FZD4: variants seen among roughly 807,000 people sequenced by gnomAD.
FZD4 encodes the protein frizzled-4.
Under a neutral mutation model 37.3 loss-of-function variants are expected in FZD4, and 16 were observed. The ratio of observed to expected loss-of-function variants is 0.43; its 90% CI spans 0.29 to 0.65. The LOEUF is 0.65. FZD4 is among the 30% of genes least tolerant of loss of function. FZD4 has a pLI of 0.16. For synonymous variants in FZD4, 246 were observed against 254.8 expected, an observed-to-expected ratio of 0.97 and a Z score of 0.33; for missense variants, 599 against 674.3, an observed-to-expected ratio of 0.89 and a Z score of 1.24.
At chr11:86,954,516 T>C (rs752304272) in intron 1 of FZD4, 10 of 985,298 alleles carry the variant, frequency 1.0e-5, no homozygotes, top group Non-Finnish European at 1.2e-5. Flanking sequence ...TTGGCAGAGA[T>C]AACCCTCAGC....
chr11:86,953,803 G>A (rs566538340), intron 1 of FZD4, among the ~76,000 whole-genome samples: 1 of 152,216 alleles, frequency 6.6e-6, no homozygotes, highest in South Asian at 2.1e-4. Context: ...TTTTAGTAGA[G>A]ACAGGATTTC....
intron 1 of FZD4, chr11:86,954,186 A>T (rs1398303819): frequency 4.1e-6 from 4 of 967,226 alleles, no homozygotes; most frequent in Non-Finnish European, 4.9e-6. Context: ...ACTGCAAAAA[A>T]ATTTCTTCCA....
At chr11:86,952,616 C>T (rs1427259715) in intron 1 of FZD4, 146 bp from the exon 2 acceptor site, 1 of 815,218 alleles carries the variant, frequency 1.2e-6, no homozygotes, top group Non-Finnish European at 2.0e-6. Flanking sequence ...TCTGTTTACT[C>T]TGACCTCAAA....
Position 86,947,319 on chromosome 11 carries a change from T to C in FZD4, c.*3823A>G, listed in dbSNP as rs950145284. ...TGTGGTCACCTCACCAGAAATCAAA[T>C]ACTGCACCGACCTGGTGAAATCCCT... On this transcript the variant is annotated 3_prime_UTR_variant, in exon 2 of 2. Coordinates refer to ENST00000531380, the MANE Select transcript of FZD4 (RefSeq NM_012193.4). The C allele has an allele frequency of 1.3e-5, 2 of 155,214 alleles. No individual in the cohort carries two copies. The highest frequency in any genetic ancestry group is 4.8e-5 in the African/African-American group (2 of 41,488). The allele number at this position is 155,214 out of a possible 1,614,324, so 9.6% of individuals were successfully genotyped here.
Position 86,954,983 on chromosome 11 carries a change from G to A in FZD4, c.103C>T (p.Arg35Trp). The change falls in exon 1 of 2, where the codon CGG (arginine) becomes TGG (tryptophan). Residue 35 changes from arginine to tryptophan, a missense_variant. Around this residue, in one of 3 missense-constraint regions of FZD4, gnomAD observed 357 missense variants for 396.1 expected, o/e 0.90. Transcript: ENST00000531380. ...CGCTCTTCCTCGTCCCCGAAGCCCCGCGCCGGCCCCAGGAGCAGCAGCAAC... is the reference window on the plus strand; with the variant it reads ...CGCTCTTCCTCGTCCCCGAAGCCCCACGCCGGCCCCAGGAGCAGCAGCAAC... ...LQLLLLLGPA[R>W]GFGDEEERRC... 1.9e-6 allele frequency: 3 copies of A among 1,612,922 alleles called. No homozygotes were observed. The highest frequency in any genetic ancestry group is 1.1e-5 in the South Asian group (1 of 91,070).
rs781161667 is a variant in FZD4, at chr11:86,954,871, T to C, written c.215A>G (p.Gln72Arg). The C allele has an allele frequency of 5.0e-6, 8 of 1,613,338 alleles. No individual in the cohort carries two copies. Among genetic ancestry groups the C allele is most frequent in the Non-Finnish European group, 6.8e-6 (8 of 1,179,870 alleles). ...TGTCAGCTGCAGCTCGGCGTCCGTC[T>C]GCAGCTCGTGCCCAACCAGGTTGGG... ...KMPNLVGHELQTDAELQLTTF... is the reference protein window; with the variant it reads ...KMPNLVGHELRTDAELQLTTF... Residue 72 changes from glutamine to arginine, a missense_variant, in exon 1 of 2, where the codon CAG becomes CGG. Coordinates refer to ENST00000531380, the MANE Select transcript of FZD4 (RefSeq NM_012193.4).
chr11:86,955,043 C>A lies in FZD4; in HGVS notation c.43G>T (p.Gly15Trp), dbSNP rs750507065. ...AACCCCAGACTGAGACCGACGCCCC[C>A]GGGCGCCCCCGGGACGCTCGGCCCT... ...GAGPSVPGAP[G>W]GVGLSLGLLL... Residue 15 changes from glycine (G) to tryptophan (W), a missense_variant, in exon 1 of 2, where the codon GGG becomes TGG. Physicochemically the swap from Gly to Trp is radical, Grantham distance 184 (BLOSUM62 -2). Transcript: ENST00000531380. The A allele has an allele frequency of 1.2e-6, 2 of 1,604,336 alleles. No individual in the cohort carries two copies. Among genetic ancestry groups the A allele is most frequent in the Non-Finnish European group, 1.7e-6 (2 of 1,176,386 alleles).
rs1372354795 is a variant in FZD4, at chr11:86,948,201, G to C, written c.*2941C>G. 3 of 151,872 alleles carry C rather than the reference G, an allele frequency of 2.0e-5. No individual in the cohort carries two copies. Among genetic ancestry groups the C allele is most frequent in the Non-Finnish European group, 4.4e-5 (3 of 68,046 alleles). The allele number at this position is 151,872 out of a possible 1,614,324, so 9.4% of individuals were successfully genotyped here. A position where few individuals can be genotyped will look rare whatever the true frequency, so the allele number is the denominator to read the frequency against. On this transcript the variant is annotated 3_prime_UTR_variant, in exon 2 of 2. Transcript: ENST00000531380. ...AGAGAGACCCAGGCTGGGTGTGGTGGCTCACACAGGAAGAGATTTATGGAA... is the reference window on the plus strand; with the variant it reads ...AGAGAGACCCAGGCTGGGTGTGGTGCCTCACACAGGAAGAGATTTATGGAA...
In FZD4 at chr11:86,952,428, T is replaced by A; in HGVS notation, c.328A>T (p.Ile110Phe). Residue 110 changes from isoleucine (I) to phenylalanine (F), a missense_variant, in exon 2 of 2, where the codon ATC becomes TTC. Physicochemically the swap from Ile to Phe is conservative, Grantham distance 21 (BLOSUM62 0). This residue lies in a region of FZD4 where 357 missense variants were observed against 396.1 expected (regional missense o/e 0.90). Coordinates refer to ENST00000531380, the MANE Select transcript of FZD4 (RefSeq NM_012193.4). ...CCGCATGGGCCAATGGGGATGTTGA[T>A]CTTCTCTGTGCACATTGGCACATAA... ...SVYVPMCTEK[I>F]NIPIGPCGGM... is the part of the protein sequence containing the mutation. 1 of 1,613,980 alleles carries A rather than the reference T, an allele frequency of 6.2e-7. No individual in the cohort carries two copies. Among genetic ancestry groups the A allele is most frequent in the Non-Finnish European group, 8.5e-7 (1 of 1,179,878 alleles).
rs1949259025 is a variant in FZD4 at position 86,948,101 on chromosome 11, G to A, written c.*3041C>T. On this transcript the variant is annotated 3_prime_UTR_variant, in exon 2 of 2. Transcript: ENST00000531380. The stretch of plus-strand genomic sequence containing the variant: ...CCAGAGACTGTCACGAAGCAGAGCT[G>A]ATGCTTTCTGTTAAAACCACCTGTA... 1 of 152,138 alleles carries A rather than the reference G, an allele frequency of 6.6e-6. No individual in the cohort carries two copies. Among genetic ancestry groups the A allele is most frequent in the Non-Finnish European group, 1.5e-5 (1 of 68,062 alleles). 9.4% of individuals were successfully genotyped at this position (152,138 alleles called of 1,614,324 possible). A position where few individuals can be genotyped will look rare whatever the true frequency, so the allele number is the denominator to read the frequency against.
chr11:86,951,534 C>A lies in FZD4; in HGVS notation c.1222G>T (p.Ala408Ser). ...YLVIGTLFIAAGLVALFKIRS... is the reference protein window; with the variant it reads ...YLVIGTLFIASGLVALFKIRS... Reference sequence around the variant, plus strand: ...ATTTTGAACAAGGCCACCAAACCTGCAGCAATGAACAAAGTTCCAATGACC... The same window carrying A: ...ATTTTGAACAAGGCCACCAAACCTGAAGCAATGAACAAAGTTCCAATGACC... The change falls in exon 2 of 2, where the codon GCA becomes TCA. Residue 408 changes from alanine (A) to serine (S), a missense_variant. By Grantham distance (99) the Ala-to-Ser change is moderately conservative (BLOSUM62 1). Coordinates refer to ENST00000531380, the MANE Select transcript of FZD4 (RefSeq NM_012193.4). 6.2e-7 allele frequency: 1 copy of A among 1,614,146 alleles called. No homozygotes were observed.
At chr11:86,952,758 C>G (rs1211827631) in intron 1 of FZD4, 1 of 252,514 alleles carries the variant, frequency 4.0e-6, no homozygotes, top group Admixed American at 4.9e-5. Context: ...CCTCTTTGCA[C>G]AACACTTGAA....
rs1174061610 is a variant in FZD4 at position 86,946,762 on chromosome 11, C to T, written c.*4380G>A. ...CCCAGGTCATTTGCCAGACATAATA[C>T]AAACCCAGAAGGGAACTCTAAACTC... On this transcript the variant is annotated 3_prime_UTR_variant, in exon 2 of 2. Coordinates refer to ENST00000531380, the MANE Select transcript of FZD4 (RefSeq NM_012193.4). 6.6e-6 allele frequency: 1 copy of T among 152,532 alleles called. No homozygotes were observed. The highest frequency in any genetic ancestry group is 2.1e-4 in the South Asian group (1 of 4,828). 9.4% of individuals were successfully genotyped at this position (152,532 alleles called of 1,614,324 possible). A position where few individuals can be genotyped will look rare whatever the true frequency, so the allele number is the denominator to read the frequency against.
intron 1 of FZD4, chr11:86,953,000 AT>A (rs1235056070): frequency 1.3e-5 from 2 of 154,274 alleles, no homozygotes; most frequent in African/African-American, 2.4e-5. Context: ...AATGGCCCAA[AT>A]GAGACACTGT....
chr11:86,949,903 G>A lies in FZD4; in HGVS notation c.*1239C>T, dbSNP rs1481482850. 1.3e-5 allele frequency: 2 copies of A among 152,536 alleles called. No individual in the cohort carries two copies. The highest frequency in any genetic ancestry group is 2.9e-5 in the Non-Finnish European group (2 of 68,024). 9.4% of individuals were successfully genotyped at this position (152,536 alleles called of 1,614,324 possible). On this transcript the variant is annotated 3_prime_UTR_variant, in exon 2 of 2. Transcript: ENST00000531380. ...GGAAACAATTACGCACCAAGTAGTT[G>A]GATTAGCTGTCCTCAGTTCCCTTTA...
In FZD4 at chr11:86,946,718, C is replaced by T. The variant is rs1949245748; in HGVS notation, c.*4424G>A. 1 of 152,538 alleles carries T rather than the reference C, an allele frequency of 6.6e-6. No individual in the cohort carries two copies. Among genetic ancestry groups the T allele is most frequent in the South Asian group, 2.1e-4 (1 of 4,802 alleles). 9.4% of individuals were successfully genotyped at this position (152,538 alleles called of 1,614,324 possible). A position where few individuals can be genotyped will look rare whatever the true frequency, so the allele number is the denominator to read the frequency against. On this transcript the variant is annotated 3_prime_UTR_variant, in exon 2 of 2. Transcript: ENST00000531380. Reference sequence around the variant, plus strand: ...GAGTTTCCAAGATCTATGATCTAACCCTGGAGGAAAAGTGATAACCCAGGT... The same window carrying T: ...GAGTTTCCAAGATCTATGATCTAACTCTGGAGGAAAAGTGATAACCCAGGT...
chr11:86,951,108 T>C lies in FZD4; in HGVS notation c.*34A>G. ...CCTCCAAAATGCTGGCATTCCCCCC[T>C]TCAAAATGAAGAAAGCATGGAGGCT... On this transcript the variant is annotated 3_prime_UTR_variant, in exon 2 of 2. Transcript: ENST00000531380. The C allele has an allele frequency of 1.2e-6, 2 of 1,610,496 alleles. No homozygotes were observed. The highest frequency in any genetic ancestry group is 1.3e-5 in the African/African-American group (1 of 74,988).
chr11:86,953,460 G>T (rs1212255731), intron 1 of FZD4, among the ~76,000 whole-genome samples: 1 of 152,068 alleles, frequency 6.6e-6, no homozygotes, highest in Non-Finnish European at 1.5e-5. Context: ...AACTTCCAAA[G>T]GGATATTTTA....
In FZD4 at chr11:86,951,177, C is replaced by A. The variant is rs146277634; in HGVS notation, c.1579G>T (p.Val527Leu). ...VKREKRGNGW[V>L]KPGKGSETVV The stretch of plus-strand genomic sequence containing the variant: ...GTCTCACTGCCTTTTCCAGGCTTCA[C>A]CCAACCATTTCCTCTCTTCTCTCTC... The change falls in exon 2 of 2, where the codon GTG becomes TTG. Residue 527 changes from valine to leucine, a missense_variant. Physicochemically the swap from Val to Leu is conservative, Grantham distance 32. Coordinates refer to ENST00000531380, the MANE Select transcript of FZD4 (RefSeq NM_012193.4). 6.8e-6 allele frequency: 11 copies of A among 1,613,950 alleles called. No homozygotes were observed. In the African/African-American group the frequency reaches 1.3e-4, roughly 20 times the overall value.
Sources: gnomAD v4.1 joint callset for allele counts (sites outside exome capture counted in the v4.1 genomes callset) on GRCh38, gnomAD v4.1.1 for gene constraint, gnomAD v4.1.1 regional missense constraint, MANE v1.5 for transcripts, NCBI Gene and HGNC (gene_info 2026-07-23, HGNC 2026-07-21) for gene names.